Variants in RSU1 observed in about 807,000 individuals in gnomAD.
The protein encoded by RSU1 is rsu-1.
RSU1 carries 26 observed loss-of-function variants against 31.1 expected under a neutral mutation model. That is an observed-to-expected ratio of 0.84 (90% CI 0.61 to 1.16). The LOEUF (loss-of-function observed/expected upper bound fraction) is 1.16. RSU1 is among the 50% of genes most tolerant of loss of function. The pLI, the probability that RSU1 is intolerant of heterozygous loss-of-function variation, is 0.00. For missense variants in RSU1, 320 were observed against 339.1 expected, an observed-to-expected ratio of 0.94 and a Z score of 0.44; for synonymous variants, 164 against 136.3, an observed-to-expected ratio of 1.20 and a Z score of -1.41.
chr10:16,680,413 A>T (rs1835308005), intron 8 of RSU1, among the ~76,000 whole-genome samples: 1 of 152,178 alleles, frequency 6.6e-6, no homozygotes, highest in Non-Finnish European at 1.5e-5. Context: ...GTGTTAGTTC[A>T]TTCTTGCGTT....
At chr10:16,632,965 A>C (rs1564292549) in intron 8 of RSU1, among the ~76,000 whole-genome samples, 2 of 152,144 alleles carry the variant, frequency 1.3e-5, no homozygotes. Context: ...AAAAACCCTG[A>C]AGACAAATAT....
At chr10:16,620,165 G>C (rs1834044892) in intron 8 of RSU1, among the ~76,000 whole-genome samples, 1 of 152,096 alleles carries the variant, frequency 6.6e-6, no homozygotes, top group Non-Finnish European at 1.5e-5. Flanking sequence ...ACCTATCTGA[G>C]GTTCAGTTTT....
chr10:16,674,180 T>A (rs765386876), intron 8 of RSU1, among the ~76,000 whole-genome samples: 1 of 152,122 alleles, frequency 6.6e-6, no homozygotes, highest in Non-Finnish European at 1.5e-5. Flanking sequence ...CCCCCGATAT[T>A]GCCCTTTAAA....
At chr10:16,630,584 G>A (rs1027420165) in intron 8 of RSU1, among the ~76,000 whole-genome samples, 1 of 152,184 alleles carries the variant, frequency 6.6e-6, no homozygotes, top group Non-Finnish European at 1.5e-5. Flanking sequence ...GATGCTCAAA[G>A]CTGGCATTAG....
intron 8 of RSU1, among the ~76,000 whole-genome samples, chr10:16,658,560 C>T (rs1294305509): frequency 1.3e-5 from 2 of 152,034 alleles, no homozygotes; most frequent in South Asian, 2.1e-4. Flanking sequence ...CCCGTCTCTA[C>T]TAAAAATACA....
In RSU1 at chr10:16,591,272, CCCCTTTT is replaced by C. The variant is rs1833500547; in HGVS notation, c.*2115_*2121del. ...TGCAGACACACCGTAATTCATTGAACCCCTTTTCCACTGACAGGGATCAGGCTTTTCT... is the reference window on the plus strand; with the variant it reads ...TGCAGACACACCGTAATTCATTGAACCCACTGACAGGGATCAGGCTTTTCT... On this transcript the variant is annotated 3_prime_UTR_variant, in exon 9 of 9. Coordinates refer to ENST00000345264, the MANE Select transcript of RSU1 (RefSeq NM_012425.4). 1.3e-5 allele frequency: 2 copies of C among 152,260 alleles called. No individual in the cohort carries two copies. 9.4% of individuals were successfully genotyped at this position (152,260 alleles called of 1,614,324 possible). A position where few individuals can be genotyped will look rare whatever the true frequency, so the allele number is the denominator to read the frequency against.
At chr10:16,782,147 C>T in intron 2 of RSU1, 63 bp from the exon 3 acceptor site, 1 of 1,339,438 alleles carries the variant, frequency 7.5e-7, no homozygotes, top group Non-Finnish European at 1.1e-6. Context: ...CGGATTCTAC[C>T]TGTACTCCTA....
intron 2 of RSU1, among the ~76,000 whole-genome samples, chr10:16,801,113 ATC>A (rs1326460797): frequency 4.4e-4 from 66 of 150,996 alleles, no homozygotes; most frequent in African/African-American, 1.6e-3. Flanking sequence ...AAAAAACAGG[ATC>A]TAACTATATG....
Position 16,695,162 on chromosome 10 carries a change from G to GCAGAAC in RSU1, c.599-8_599-7insGTTCTG. 6.8e-7 allele frequency: 1 copy of GCAGAAC among 1,479,656 alleles called. No individual in the cohort carries two copies. The allele number at this position is 1,479,656 out of a possible 1,614,324, so 91.7% of individuals were successfully genotyped here. On this transcript the variant is annotated splice_polypyrimidine_tract_variant and splice_region_variant and intron_variant, in intron 7 of 8. Coordinates refer to ENST00000345264, the MANE Select transcript of RSU1 (RefSeq NM_012425.4). ...CCAGTTAAATCCAAGTTTCCTGGGGGGGGGGAAAAAAAAAGTGAAGGTCAC... is the reference window on the plus strand; with the variant it reads ...CCAGTTAAATCCAAGTTTCCTGGGGGCAGAACGGGGGAAAAAAAAAGTGAAGGTCAC...
intron 2 of RSU1, among the ~76,000 whole-genome samples, chr10:16,784,397 T>C (rs758830536): frequency 7.9e-5 from 12 of 152,294 alleles, no homozygotes; most frequent in Admixed American, 1.3e-4. Flanking sequence ...CACCTGAGAC[T>C]GAGTAATTTA....
chr10:16,640,628 C>A, intron 8 of RSU1, among the ~76,000 whole-genome samples: 1 of 152,246 alleles, frequency 6.6e-6, no homozygotes, highest in Non-Finnish European at 1.5e-5. Context: ...ATGGGCCTTA[C>A]CCCCTGCTGC....
chr10:16,626,121 G>A (rs1199022403), intron 8 of RSU1, among the ~76,000 whole-genome samples: 1 of 151,612 alleles, frequency 6.6e-6, no homozygotes, highest in East Asian at 1.9e-4. Context: ...TCAGGACTCA[G>A]TGCAGCCTCA....
chr10:16,757,341 AT>A (rs1037423021), intron 4 of RSU1, among the ~76,000 whole-genome samples: 9 of 152,124 alleles, frequency 5.9e-5, no homozygotes, highest in Non-Finnish European at 1.3e-4. Flanking sequence ...CTCCTAACAC[AT>A]TCAGCTCCAT....
At position 16,592,750 on chromosome 10, in the gene RSU1, A is replaced by G. The variant is rs747160573; in HGVS notation, c.*644T>C. 2.0e-5 allele frequency: 3 copies of G among 152,236 alleles called. No individual in the cohort carries two copies. Among genetic ancestry groups the G allele is most frequent in the Non-Finnish European group, 4.4e-5 (3 of 68,046 alleles). The allele number at this position is 152,236 out of a possible 1,614,324, so 9.4% of individuals were successfully genotyped here. On this transcript the variant is annotated 3_prime_UTR_variant, in exon 9 of 9. Coordinates refer to ENST00000345264, the MANE Select transcript of RSU1 (RefSeq NM_012425.4). ...AAAAACTTGACAAATTAATGTGAGA[A>G]GAAACGAACTGTGATTTAATTTTGC...
intron 8 of RSU1, among the ~76,000 whole-genome samples, chr10:16,605,169 T>C (rs1202970035): frequency 6.6e-6 from 1 of 152,216 alleles, no homozygotes; most frequent in Non-Finnish European, 1.5e-5. Context: ...AAAGCAATGC[T>C]GGTCTTGATG....
At chr10:16,669,077 T>A (rs1835054771) in intron 8 of RSU1, among the ~76,000 whole-genome samples, 1 of 151,974 alleles carries the variant, frequency 6.6e-6, no homozygotes, top group African/African-American at 2.4e-5. Context: ...TTACAAAGAG[T>A]CTTTGTAAGT....
At chr10:16,713,799 T>A (rs181415702) in intron 7 of RSU1, among the ~76,000 whole-genome samples, 2 of 152,204 alleles carry the variant, frequency 1.3e-5, no homozygotes, top group East Asian at 3.8e-4. Context: ...TCTAGTGGAA[T>A]AGTGACCCTT....
chr10:16,674,261 T>C (rs1319774104), intron 8 of RSU1, among the ~76,000 whole-genome samples: 1 of 151,970 alleles, frequency 6.6e-6, no homozygotes, highest in Non-Finnish European at 1.5e-5. Flanking sequence ...AAATAGCTGG[T>C]TGGGAAAGGC....
chr10:16,783,699 C>A (rs1837708590), intron 2 of RSU1, among the ~76,000 whole-genome samples: 1 of 151,508 alleles, frequency 6.6e-6, no homozygotes, highest in Non-Finnish European at 1.5e-5. Context: ...CAAACCATTG[C>A]AAACTTATAG....
Sources: allele counts gnomAD v4.1 joint callset (sites outside exome capture counted in the v4.1 genomes callset), GRCh38; gene constraint gnomAD v4.1.1; transcripts MANE v1.5; gene names NCBI Gene and HGNC (gene_info 2026-07-23, HGNC 2026-07-21).